Variants in FGF14 observed in about 807,000 individuals in gnomAD.
FGF14 encodes the protein fibroblast growth factor homologous factor 4.
FGF14 carries 5 observed loss-of-function variants against 25.5 expected under a neutral mutation model. That is an observed-to-expected ratio of 0.20 (90% CI 0.10 to 0.41). FGF14 has a LOEUF of 0.41. Among genes scored for constraint, FGF14 ranks in the 10% least tolerant of loss-of-function variants. The pLI is 1.00. For synonymous variants in FGF14, 138 were observed against 118.3 expected (o/e 1.17, Z -1.08); for missense variants, 222 against 320.1 (o/e 0.69, Z 2.34).
intron 1 of FGF14, among the ~76,000 whole-genome samples, chr13:101,902,474 T>C (rs1037394416): frequency 1.3e-5 from 2 of 152,200 alleles, no homozygotes; most frequent in African/African-American, 4.8e-5. Context: ...TGCCAATATA[T>C]GCAGTTTACA....
At chr13:102,250,011 G>T (rs1202853668) in intron 1 of FGF14, among the ~76,000 whole-genome samples, 2 of 152,030 alleles carry the variant, frequency 1.3e-5, no homozygotes, top group Admixed American at 1.3e-4. Context: ...AAAGGGAGAT[G>T]GTCTTGATCC....
At chr13:101,881,791 G>A (rs1453234571) in intron 1 of FGF14, among the ~76,000 whole-genome samples, 3 of 152,118 alleles carry the variant, frequency 2.0e-5, no homozygotes, top group South Asian at 2.1e-4. Context: ...CTCAAGTGCC[G>A]GCTGTGGCAC....
At chr13:102,299,271 T>C (rs942786699) in intron 1 of FGF14, among the ~76,000 whole-genome samples, 4 of 149,568 alleles carry the variant, frequency 2.7e-5, no homozygotes, top group African/African-American at 9.8e-5. Flanking sequence ...TGAAGTATGG[T>C]TTGGAGAAGT....
intron 1 of FGF14, among the ~76,000 whole-genome samples, chr13:102,168,743 T>C (rs1249531345): frequency 6.6e-6 from 1 of 152,118 alleles, no homozygotes; most frequent in African/African-American, 2.4e-5. Flanking sequence ...AAATCTGACA[T>C]AAAACTGATT....
chr13:102,289,678 C>T (rs1468316430), intron 1 of FGF14, among the ~76,000 whole-genome samples: 2 of 152,078 alleles, frequency 1.3e-5, no homozygotes, highest in Non-Finnish European at 2.9e-5. Context: ...GTTTGCTGAC[C>T]CCTGCATTAG....
intron 1 of FGF14, among the ~76,000 whole-genome samples, chr13:102,307,190 G>C (rs1213470923): frequency 6.6e-6 from 1 of 152,084 alleles, no homozygotes; most frequent in Non-Finnish European, 1.5e-5. Flanking sequence ...ACAAGGAAGT[G>C]GAGAGCTCAA....
At chr13:102,131,835 A>C (rs1350568891) in intron 1 of FGF14, among the ~76,000 whole-genome samples, 1 of 152,186 alleles carries the variant, frequency 6.6e-6, no homozygotes, top group Non-Finnish European at 1.5e-5. Context: ...AATCACGGAA[A>C]CACAAATTAC....
intron 3 of FGF14, among the ~76,000 whole-genome samples, chr13:101,824,747 G>A (rs1437455837): frequency 6.6e-6 from 1 of 152,156 alleles, no homozygotes. Flanking sequence ...GTGATTTGAG[G>A]ATTCCAGCTT....
intron 3 of FGF14, among the ~76,000 whole-genome samples, chr13:101,812,611 CTATATATA>C (rs35878751): frequency 0.053 from 648 of 12,328 alleles, 35 homozygotes; most frequent in Middle Eastern, 0.083. Context: ...ATTTTTAAAA[CTATATATA>C]TATATATATA....
At chr13:101,724,594 TAA>T (rs2035245071) in intron 4 of FGF14, among the ~76,000 whole-genome samples, 1 of 38,596 alleles carries the variant, frequency 2.6e-5, no homozygotes, top group African/African-American at 7.9e-5. Flanking sequence ...AGTATAATAA[TAA>T]AATATATATA....
Position 101,916,480 on chromosome 13 carries a change from G to A in FGF14, c.166C>T (p.Leu56Phe). Residue 56 changes from leucine (L) to phenylalanine (F), a missense_variant, in exon 1 of 5, where the codon CTC becomes TTC. Around this residue, in one of 5 missense-constraint regions of FGF14, gnomAD observed 80 missense variants for 72.2 expected, o/e 1.11. Transcript: ENST00000376143. Reference sequence around the variant, plus strand: ...TGGCGCCGCAACCTGCGCTTCTTGAGGCCGAAGATGCGCACTTTGGAGAAG... The same window carrying A: ...TGGCGCCGCAACCTGCGCTTCTTGAAGCCGAAGATGCGCACTTTGGAGAAG... Reference protein sequence around the residue: ...DIFSKVRIFGLKKRRLRRQDP... With the variant: ...DIFSKVRIFGFKKRRLRRQDP... 1.2e-6 allele frequency: 2 copies of A among 1,613,972 alleles called. No homozygotes were observed. Among genetic ancestry groups the A allele is most frequent in the Non-Finnish European group, 1.7e-6 (2 of 1,179,940 alleles).
At chr13:101,911,473 CTA>C (rs1477670219) in intron 1 of FGF14, among the ~76,000 whole-genome samples, 1 of 152,108 alleles carries the variant, frequency 6.6e-6, no homozygotes, top group Non-Finnish European at 1.5e-5. Flanking sequence ...ATCTGTTACA[CTA>C]TTTTACACTT....
At chr13:101,979,601 T>TTGCAC (rs1299806337) in intron 1 of FGF14, among the ~76,000 whole-genome samples, 1 of 152,276 alleles carries the variant, frequency 6.6e-6, no homozygotes, top group Non-Finnish European at 1.5e-5. Flanking sequence ...CACAACCTTA[T>TTGCAC]ATCTAGAAGC....
chr13:102,026,783 T>C (rs1283508084), intron 1 of FGF14, among the ~76,000 whole-genome samples: 2 of 152,004 alleles, frequency 1.3e-5, no homozygotes, highest in East Asian at 3.9e-4. Flanking sequence ...ATGTTTTTTC[T>C]TACTCTGAGT....
intron 1 of FGF14, among the ~76,000 whole-genome samples, chr13:102,397,712 TG>T (rs2058616694): frequency 6.6e-6 from 1 of 152,132 alleles, no homozygotes; most frequent in Non-Finnish European, 1.5e-5. Context: ...ATGTTTATTG[TG>T]GATTTTCTTT....
chr13:102,167,297 C>A, intron 1 of FGF14, among the ~76,000 whole-genome samples: 1 of 119,332 alleles, frequency 8.4e-6, no homozygotes. Context: ...GAGATTGCAC[C>A]ATTGCACTCC....
intron 3 of FGF14, among the ~76,000 whole-genome samples, chr13:101,843,685 A>G: frequency 6.6e-6 from 1 of 152,066 alleles, no homozygotes; most frequent in Non-Finnish European, 1.5e-5. Flanking sequence ...AGGAAGAAAT[A>G]ATAACTACAT....
intron 1 of FGF14, among the ~76,000 whole-genome samples, chr13:101,965,170 A>C (rs36081839): frequency 0.19 from 28,284 of 151,788 alleles, 2,946 homozygotes; most frequent in Admixed American, 0.31. Context: ...AATTGCTTGA[A>C]TCCAGCAGGC....
intron 1 of FGF14, among the ~76,000 whole-genome samples, chr13:102,329,627 C>T (rs2138825096): frequency 6.6e-6 from 1 of 152,270 alleles, no homozygotes; most frequent in South Asian, 2.1e-4. Context: ...CCTTTCAGTT[C>T]CTTGCATCTT....
Sources: gnomAD v4.1 joint callset for allele counts (sites outside exome capture counted in the v4.1 genomes callset) on GRCh38, gnomAD v4.1.1 for gene constraint, gnomAD v4.1.1 regional missense constraint, MANE v1.5 for transcripts, NCBI Gene and HGNC (gene_info 2026-07-23, HGNC 2026-07-21) for gene names.